CDYL: variants seen among roughly 807,000 people sequenced by gnomAD.
The protein encoded by CDYL is chromodomain Y-like protein.
Under a neutral mutation model 47.3 loss-of-function variants are expected in CDYL, and 8 were observed. The ratio of observed to expected loss-of-function variants is 0.17; its 90% confidence interval spans 0.10 to 0.31. CDYL has a LOEUF of 0.31. Ranked by LOEUF, CDYL falls within the 10% of genes least tolerant of loss-of-function variation. The probability of loss-of-function intolerance (pLI) is 1.00; values close to 1 mark genes in which losing one functional copy is unlikely to be tolerated. For synonymous variants in CDYL, 266 were observed against 265.0 expected (o/e 1.00, Z -0.04); for missense variants, 471 against 701.4 (o/e 0.67, Z 3.71).
chr6:4,919,526 G>A (rs1335051380), intron 2 of CDYL, among the ~76,000 whole-genome samples: 4 of 152,164 alleles, frequency 2.6e-5, no homozygotes, highest in Non-Finnish European at 2.9e-5. Flanking sequence ...AGAAATCCAC[G>A]ATGAGCATTT....
At chr6:4,871,671 G>A (rs955863064) in intron 1 of CDYL, among the ~76,000 whole-genome samples, 2 of 152,050 alleles carry the variant, frequency 1.3e-5, no homozygotes, top group Admixed American at 6.6e-5. Flanking sequence ...CGCTCTAGTG[G>A]GTTGGGATTT....
chr6:4,789,359 C>T (rs912495798), intron 1 of CDYL, among the ~76,000 whole-genome samples: 28 of 152,276 alleles, frequency 1.8e-4, no homozygotes, highest in African/African-American at 6.7e-4. Flanking sequence ...CAGACGTGAC[C>T]TGCCGCGCCT....
intron 1 of CDYL, among the ~76,000 whole-genome samples, chr6:4,865,451 C>T (rs1216644149): frequency 1.3e-4 from 20 of 152,344 alleles, no homozygotes; most frequent in Admixed American, 1.3e-3. Flanking sequence ...CGCCATTGCT[C>T]CATCTGTGAG....
chr6:4,913,397 CAA>C (rs1318995194), intron 2 of CDYL, among the ~76,000 whole-genome samples: 2 of 152,064 alleles, frequency 1.3e-5, no homozygotes, highest in Non-Finnish European at 2.9e-5. Context: ...TGTTAAAAAG[CAA>C]AAAGTGTGTG....
intron 2 of CDYL, among the ~76,000 whole-genome samples, chr6:4,904,297 G>A (rs1221140269): frequency 1.3e-5 from 2 of 152,174 alleles, no homozygotes; most frequent in Admixed American, 6.5e-5. Flanking sequence ...TAATTACCCC[G>A]ATATAGTGAA....
At chr6:4,890,614 G>A (rs968075400) in intron 1 of CDYL, among the ~76,000 whole-genome samples, 2 of 152,138 alleles carry the variant, frequency 1.3e-5, no homozygotes, top group African/African-American at 2.4e-5. Flanking sequence ...GTATTCTCCC[G>A]TTCTCTACGA....
At chr6:4,875,982 A>G (rs1761610134) in intron 1 of CDYL, among the ~76,000 whole-genome samples, 1 of 152,196 alleles carries the variant, frequency 6.6e-6, no homozygotes, top group South Asian at 2.1e-4. Context: ...CCTAACAATG[A>G]AATGTGCTGA....
At chr6:4,729,324 A>G (rs114218186) in intron 2 of CDYL, among the ~76,000 whole-genome samples, 3,037 of 152,102 alleles carry the variant, frequency 0.02, 118 homozygotes, top group African/African-American at 0.07. Flanking sequence ...TTTCCGATCT[A>G]TTTTCTCTGA....
intron 3 of CDYL, among the ~76,000 whole-genome samples, chr6:4,763,980 A>G (rs1477825010): frequency 6.6e-6 from 1 of 152,130 alleles, no homozygotes; most frequent in Non-Finnish European, 1.5e-5. Flanking sequence ...TAAAGTTCTC[A>G]ATCAGTCTGG....
chr6:4,905,041 G>A (rs79774606), intron 2 of CDYL, among the ~76,000 whole-genome samples: 6,449 of 152,176 alleles, frequency 0.042, 472 homozygotes, highest in African/African-American at 0.15. Context: ...TGCCCCAGAC[G>A]GCCCAGTGCT....
intron 2 of CDYL, among the ~76,000 whole-genome samples, chr6:4,915,363 T>C (rs553228358): frequency 4.4e-4 from 67 of 152,370 alleles, no homozygotes; most frequent in African/African-American, 1.5e-3. Context: ...GATAAACTTA[T>C]GTGTTTTGAC....
In CDYL at chr6:4,728,311, C is replaced by A. The variant is rs547687208; in HGVS notation, c.104-6451C>A. On this transcript the variant is annotated intron_variant, in intron 2 of 8. Coordinates refer to the CDYL transcript ENST00000328908. ...CTCGGGCTCACCCCTGAAGCCACCA[C>A]CCCTGAGGCCACTGCCTGTGCCAGG... 1.4e-3 allele frequency among the ~76,000 whole-genome samples: 219 copies of A among 152,314 alleles called. 1 individual carries two copies. Among genetic ancestry groups the A allele is most frequent in the Non-Finnish European group, 2.9e-3 (194 of 68,034 alleles).
Position 4,784,869 on chromosome 6 carries a change from C to T in CDYL, c.24+8062C>T, listed in dbSNP as rs190338783. On this transcript the variant is annotated intron_variant, in intron 1 of 6. Coordinates refer to ENST00000397588, the MANE Select transcript of CDYL (RefSeq NM_004824.4). Reference sequence around the variant, plus strand: ...TTGCTGTTCTCCTGATAGTGAGTCTCATGAGATCTCATGGTTTGATAAAAA... The same window carrying T: ...TTGCTGTTCTCCTGATAGTGAGTCTTATGAGATCTCATGGTTTGATAAAAA... Among the ~76,000 whole-genome samples, 87 of 150,136 alleles carry T rather than the reference C, an allele frequency of 5.8e-4. 1 individual carries two copies. The East Asian group carries it at 0.016, about 28-fold the overall frequency.
At chr6:4,913,588 C>T (rs1260983016) in intron 2 of CDYL, among the ~76,000 whole-genome samples, 5 of 152,206 alleles carry the variant, frequency 3.3e-5, no homozygotes, top group African/African-American at 9.7e-5. Flanking sequence ...AACAACAGCC[C>T]TTGGCTTTAA....
intron 2 of CDYL, among the ~76,000 whole-genome samples, chr6:4,914,479 CTT>C (rs1211711185): frequency 2.6e-5 from 4 of 152,222 alleles, no homozygotes; most frequent in Middle Eastern, 3.2e-3. Flanking sequence ...TTATCTGTCT[CTT>C]GTGTTCTGCC....
intron 3 of CDYL, among the ~76,000 whole-genome samples, chr6:4,736,626 G>A (rs181140653): frequency 6.6e-6 from 1 of 152,164 alleles, no homozygotes; most frequent in East Asian, 1.9e-4. Flanking sequence ...ACTTCCCTAG[G>A]AGTGGAGAGA....
chr6:4,717,185 A>G (rs538949417), intron 2 of CDYL, among the ~76,000 whole-genome samples: 3 of 152,252 alleles, frequency 2.0e-5, no homozygotes, highest in Admixed American at 2.0e-4. Flanking sequence ...AGACTCCAGT[A>G]CTTTAAAGAG....
intron 1 of CDYL, among the ~76,000 whole-genome samples, chr6:4,777,023 TGG>T (rs1250362537): frequency 2.1e-4 from 14 of 67,528 alleles, no homozygotes; most frequent in African/African-American, 6.2e-4. Context: ...GGGCGTGGGG[TGG>T]GGGGGGGGGT....
intron 1 of CDYL, among the ~76,000 whole-genome samples, chr6:4,810,298 A>G (rs1351533812): frequency 6.6e-6 from 1 of 152,200 alleles, no homozygotes; most frequent in Non-Finnish European, 1.5e-5. Context: ...TTTCTCAACT[A>G]GCATGAGTTA....
Sources: allele counts gnomAD v4.1 joint callset (sites outside exome capture counted in the v4.1 genomes callset), GRCh38; gene constraint gnomAD v4.1.1; transcripts MANE v1.5; gene names NCBI Gene and HGNC (gene_info 2026-07-23, HGNC 2026-07-21).